Variants in KRTAP9-9 observed in about 807,000 individuals in gnomAD.
KRTAP9-9 encodes the protein keratin associated protein 9-9.
KRTAP9-9 carries 12 observed loss-of-function variants against 13.7 expected under a neutral mutation model. The ratio of observed to expected loss-of-function variants is 0.88; its 90% CI spans 0.56 to 1.42. The LOEUF (loss-of-function observed/expected upper bound fraction) is 1.42. Ranked by LOEUF, KRTAP9-9 falls within the 40% of genes most tolerant of loss-of-function variation. The probability of loss-of-function intolerance (pLI) is 0.00; values close to 1 mark genes in which losing one functional copy is unlikely to be tolerated. For missense variants in KRTAP9-9, 194 were observed against 206.5 expected, an observed-to-expected ratio of 0.94 and a Z score of 0.37; for synonymous variants, 81 against 78.1, an observed-to-expected ratio of 1.04 and a Z score of -0.19.
At chr17:41,255,582 G>A (rs1226815484) in exon 1 of KRTAP9-9, 3 of 1,613,746 alleles carry the variant, frequency 1.9e-6, no homozygotes, top group Middle Eastern at 3.3e-4. Context: ...CAGCCCACCT[G>A]TCTGACCAGC....
rs1487217269 is a variant in KRTAP9-9, at chr17:41,255,717, G to A, written c.332G>A (p.Cys111Tyr). 3.7e-6 allele frequency: 6 copies of A among 1,613,656 alleles called. No individual in the cohort carries two copies. The South Asian group carries it at 5.5e-5, about 15-fold the overall frequency. ...AGCAGCTCCTGTGCACCTGTGTACT[G>A]CAGAAGAACCTGCTACTACCCGACG... The change falls in exon 1 of 1, where the codon TGC becomes TAC. Residue 111 changes from cysteine (C) to tyrosine (Y), a missense_variant. By Grantham distance (194) the Cys-to-Tyr change is radical (BLOSUM62 -2). Transcript: ENST00000394008.
At chr17:41,255,488 C>A (rs751867321) in exon 1 of KRTAP9-9, 6 of 1,595,902 alleles carry the variant, frequency 3.8e-6, no homozygotes, top group Non-Finnish European at 4.3e-6. Flanking sequence ...CTGCTGCCAG[C>A]CCTCCTGCTG....
chr17:41,256,193 C>T lies in KRTAP9-9; in HGVS notation c.*298C>T, dbSNP rs1441460558. The T allele has an allele frequency of 1.6e-5, 9 of 545,798 alleles. No individual in the cohort carries two copies. In the Admixed American group the frequency reaches 2.2e-4, roughly 13 times the overall value. The allele number at this position is 545,798 out of a possible 1,614,324, so 33.8% of individuals were successfully genotyped here. A position where few individuals can be genotyped will look rare whatever the true frequency, so the allele number is the denominator to read the frequency against. On this transcript the variant is annotated 3_prime_UTR_variant, in exon 1 of 1. Transcript: ENST00000394008. ...AGCTTCATTCTCTTCACTTAAGAAA[C>T]TTAAGTTGCTGCAAATGATTAAGAA...
chr17:41,255,473 A>G (rs1440624283), exon 1 of KRTAP9-9: 2 of 1,590,826 alleles, frequency 1.3e-6, no homozygotes, highest in Non-Finnish European at 1.7e-6. Context: ...CTGCAGCAGC[A>G]CACCCTGCTG....
chr17:41,255,407 T>G lies in KRTAP9-9; in HGVS notation c.22T>G (p.Cys8Gly), dbSNP rs1271370462. 5.7e-6 allele frequency: 9 copies of G among 1,589,060 alleles called. No homozygotes were observed. Among genetic ancestry groups the G allele is most frequent in the African/African-American group, 2.8e-5 (2 of 71,998 alleles). The stretch of plus-strand genomic sequence containing the variant: ...CACCATGACCCACTGTTGCTCCCCT[T>G]GCTGTCAGCCTACCTGCTGCAGGAC... Residue 8 changes from cysteine (C) to glycine (G), a missense_variant, in exon 1 of 1, where the codon TGC becomes GGC. Physicochemically the swap from Cys to Gly is radical, Grantham distance 159. Coordinates refer to ENST00000394008, the Ensembl canonical transcript of KRTAP9-9.
chr17:41,255,636 T>C lies in KRTAP9-9; in HGVS notation c.251T>C (p.Ile84Thr), dbSNP rs964586183. The C allele has an allele frequency of 2.2e-5, 35 of 1,606,492 alleles. No homozygotes were observed. Among genetic ancestry groups the C allele is most frequent in the African/African-American group, 8.4e-5 (6 of 71,790 alleles). Residue 84 changes from isoleucine (I) to threonine (T), a missense_variant, in exon 1 of 1, where the codon ATC becomes ACC. Transcript: ENST00000394008. ...TGCAGCACAACCTGCTGCCAGCCCA[T>C]CTGCTGTGGGTCCAGCTGCTGTGGC...
chr17:41,256,253 T>C lies in KRTAP9-9; in HGVS notation c.*358T>C, dbSNP rs376307169. 6 of 370,552 alleles carry C rather than the reference T, an allele frequency of 1.6e-5. No individual in the cohort carries two copies. The East Asian group carries it at 1.7e-4, about 10-fold the overall frequency. The allele number at this position is 370,552 out of a possible 1,614,324, so 23.0% of individuals were successfully genotyped here. A position where few individuals can be genotyped will look rare whatever the true frequency, so the allele number is the denominator to read the frequency against. ...CTATGTTTTCTTTTCAATATACTCA[T>C]GATTCTTGTATCCTGCTTCCTTCTT... On this transcript the variant is annotated 3_prime_UTR_variant, in exon 1 of 1. Coordinates refer to ENST00000394008, the Ensembl canonical transcript of KRTAP9-9.
chr17:41,255,800 T>G (rs1428957385), exon 1 of KRTAP9-9: 1 of 1,613,646 alleles, frequency 6.2e-7, no homozygotes. Flanking sequence ...CTGCCAGCCC[T>G]GCTGCCGCCC....
the KRTAP9-9 span, chr17:41,255,481 C>A: frequency 2.5e-6 from 4 of 1,594,606 alleles, no homozygotes; most frequent in East Asian, 6.8e-5. Context: ...GCACACCCTG[C>A]TGCCAGCCCT....
exon 1 of KRTAP9-9, chr17:41,255,736 C>T: frequency 6.2e-7 from 1 of 1,613,804 alleles, no homozygotes; most frequent in Non-Finnish European, 8.5e-7. Context: ...CCTGCTACTA[C>T]CCGACGACTG....
At chr17:41,256,078 T>C in exon 1 of KRTAP9-9, 6 of 1,084,904 alleles carry the variant, frequency 5.5e-6, no homozygotes, top group Non-Finnish European at 7.9e-6. Flanking sequence ...TTCATCCTGA[T>C]TCTCTTTTTC....
exon 1 of KRTAP9-9, chr17:41,255,511 C>T (rs2016302245): frequency 6.2e-7 from 1 of 1,612,620 alleles, no homozygotes. Context: ...TGTCTAGCTG[C>T]TGCCAGCCTT....
At chr17:41,255,781 A>G (rs553345208) in exon 1 of KRTAP9-9, 12 of 1,600,346 alleles carry the variant, frequency 7.5e-6, no homozygotes, top group Middle Eastern at 1.7e-4. Context: ...AGAGCTGTGG[A>G]TCCAGCTGCT....
At chr17:41,256,358 A>G (rs1396355243) in exon 1 of KRTAP9-9, 1 of 193,410 alleles carries the variant, frequency 5.2e-6, no homozygotes, top group East Asian at 1.6e-4. Flanking sequence ...TGGAACTATT[A>G]TTCATACCAT....
At chr17:41,256,215 A>G (rs920006540) in exon 1 of KRTAP9-9, 3 of 505,660 alleles carry the variant, frequency 5.9e-6, no homozygotes, top group African/African-American at 5.8e-5. Context: ...CAAATGATTA[A>G]GAATCTTCAC....
chr17:41,256,198 G>A (rs2016321880), exon 1 of KRTAP9-9: 1 of 536,890 alleles, frequency 1.9e-6, no homozygotes, highest in Non-Finnish European at 3.3e-6. Context: ...AGAAACTTAA[G>A]TTGCTGCAAA....
rs533338441 is a variant in KRTAP9-9 at position 41,256,119 on chromosome 17, T to C, written c.*224T>C. 21 of 840,748 alleles carry C rather than the reference T, an allele frequency of 2.5e-5. No individual in the cohort carries two copies. The African/African-American group carries it at 3.4e-4, about 14-fold the overall frequency. 52.1% of individuals were successfully genotyped at this position (840,748 alleles called of 1,614,324 possible). ...CCTTGTGAATCATGTGCCAGCTTCA[T>C]GTGTTCTCAATTTTGAGTCATGGTC... is the stretch of plus-strand genomic sequence containing the variant. On this transcript the variant is annotated 3_prime_UTR_variant, in exon 1 of 1. Transcript: ENST00000394008.
chr17:41,256,082 C>A, exon 1 of KRTAP9-9: 1 of 1,070,298 alleles, frequency 9.3e-7, no homozygotes, highest in Non-Finnish European at 1.3e-6. Flanking sequence ...TCCTGATTCT[C>A]TTTTTCTTAT....
chr17:41,255,578 A>C, exon 1 of KRTAP9-9: 1 of 1,613,308 alleles, frequency 6.2e-7, no homozygotes, highest in Non-Finnish European at 8.5e-7. Flanking sequence ...CTGCCAGCCC[A>C]CCTGTCTGAC....
Sources: gnomAD v4.1 joint callset for allele counts on GRCh38, gnomAD v4.1.1 for gene constraint, MANE v1.5 for transcripts, NCBI Gene and HGNC (gene_info 2026-07-23, HGNC 2026-07-21) for gene names.